Variants in SLCO1B1 observed in about 807,000 individuals in gnomAD.
SLCO1B1 encodes the protein solute carrier organic anion transporter family member 1B1.
SLCO1B1 carries 81 observed loss-of-function variants against 70.1 expected under a neutral mutation model. That is an observed-to-expected ratio of 1.16 (90% CI 0.97 to 1.39). The LOEUF (loss-of-function observed/expected upper bound fraction) is 1.39. Among genes scored for constraint, SLCO1B1 ranks in the 40% most tolerant of loss-of-function variants. SLCO1B1 has a pLI of 0.00. For synonymous variants in SLCO1B1, 283 were observed against 271.5 expected (o/e 1.04, Z -0.42); for missense variants, 895 against 799.6 (o/e 1.12, Z -1.44).
intron 3 of SLCO1B1, among the ~76,000 whole-genome samples, chr12:21,173,031 C>G (rs2121098523): frequency 6.6e-6 from 1 of 152,256 alleles, no homozygotes; most frequent in Middle Eastern, 3.4e-3. Context: ...AATGATGTAA[C>G]TGAAAATGTT....
chr12:21,157,821 C>T (rs113037749), intron 2 of SLCO1B1, among the ~76,000 whole-genome samples: 40 of 152,002 alleles, frequency 2.6e-4, no homozygotes, highest in African/African-American at 9.4e-4. Context: ...AGGATGGTCT[C>T]GATCTCCTGA....
intron 1 of SLCO1B1, among the ~76,000 whole-genome samples, chr12:21,139,916 C>G (rs1011726483): frequency 1.3e-5 from 2 of 151,404 alleles, no homozygotes; most frequent in Non-Finnish European, 3.0e-5. Context: ...AAGTGCTCTC[C>G]GGTGCACAAG....
At chr12:21,214,140 G>T (rs1400530674) in intron 11 of SLCO1B1, among the ~76,000 whole-genome samples, 1 of 152,162 alleles carries the variant, frequency 6.6e-6, no homozygotes, top group Non-Finnish European at 1.5e-5. Context: ...GAGGTGCTCT[G>T]CTTTCTATAG....
chr12:21,202,172 A>G (rs1411547908), intron 9 of SLCO1B1, among the ~76,000 whole-genome samples: 1 of 152,142 alleles, frequency 6.6e-6, no homozygotes, highest in Non-Finnish European at 1.5e-5. Flanking sequence ...GAACACATGG[A>G]CACAGGGAGG....
intron 2 of SLCO1B1, among the ~76,000 whole-genome samples, chr12:21,159,140 C>G (rs1940579879): frequency 6.6e-6 from 1 of 152,058 alleles, no homozygotes; most frequent in South Asian, 2.1e-4. Context: ...TAAATTAATT[C>G]TATAAAGTGT....
intron 1 of SLCO1B1, among the ~76,000 whole-genome samples, chr12:21,135,103 T>C (rs943155159): frequency 4.6e-5 from 7 of 152,202 alleles, no homozygotes; most frequent in African/African-American, 9.7e-5. Context: ...CCAGTAGTCA[T>C]TCAGTAGCAG....
At chr12:21,228,551 A>G (rs372352553) in intron 14 of SLCO1B1, among the ~76,000 whole-genome samples, 1 of 152,222 alleles carries the variant, frequency 6.6e-6, no homozygotes, top group South Asian at 2.1e-4. Context: ...TGAACTCAAG[A>G]TAAGAAAATT....
At chr12:21,145,695 C>G (rs538746057) in intron 2 of SLCO1B1, among the ~76,000 whole-genome samples, 1 of 151,914 alleles carries the variant, frequency 6.6e-6, no homozygotes, top group Non-Finnish European at 1.5e-5. Flanking sequence ...AGAATACATT[C>G]ACTCCAATAT....
chr12:21,135,290 C>T (rs188337974), intron 1 of SLCO1B1, among the ~76,000 whole-genome samples: 3 of 152,254 alleles, frequency 2.0e-5, no homozygotes, highest in Admixed American at 6.5e-5. Flanking sequence ...TGGTGTGGTG[C>T]TGAAAAGAAT....
At position 21,179,002 on chromosome 12, in the gene SLCO1B1, A is replaced by G. The variant is rs1007241293; in HGVS notation, c.709A>G (p.Ile237Val). The G allele has an allele frequency of 6.2e-7, 1 of 1,606,100 alleles. No individual in the cohort carries two copies. The highest frequency in any genetic ancestry group is 8.5e-7 in the Non-Finnish European group (1 of 1,173,064). The change falls in exon 7 of 15, where the codon ATT becomes GTT. Residue 237 changes from isoleucine to valine, a missense_variant. Transcript: ENST00000256958. ...TCTGTTTTCTAAAATGTACGTGGAT[A>G]TTGGATATGTAGATCTAAGTAAGTA... Reference protein sequence around the residue: ...GSLFSKMYVDIGYVDLSTIRI... With the variant: ...GSLFSKMYVDVGYVDLSTIRI...
intron 2 of SLCO1B1, among the ~76,000 whole-genome samples, chr12:21,144,146 G>A (rs901114165): frequency 2.0e-5 from 3 of 151,970 alleles, no homozygotes; most frequent in Non-Finnish European, 4.4e-5. Context: ...AGATACAGGG[G>A]AAGATTTAAA....
intron 14 of SLCO1B1, among the ~76,000 whole-genome samples, chr12:21,226,912 C>A (rs1043901881): frequency 2.0e-5 from 3 of 151,744 alleles, no homozygotes; most frequent in African/African-American, 7.3e-5. Context: ...AAGTATCTCC[C>A]AAAGAAAAAA....
At chr12:21,183,762 A>G (rs1017502308) in intron 7 of SLCO1B1, among the ~76,000 whole-genome samples, 27 of 152,206 alleles carry the variant, frequency 1.8e-4, no homozygotes, top group African/African-American at 6.0e-4. Flanking sequence ...TGGAATGACT[A>G]AAATGACAGA....
chr12:21,209,038 T>A (rs191758800), intron 11 of SLCO1B1, among the ~76,000 whole-genome samples: 4 of 150,432 alleles, frequency 2.7e-5, no homozygotes, highest in African/African-American at 9.7e-5. Context: ...GTATTTAGGG[T>A]TTTTTTTTAA....
At chr12:21,146,026 T>C (rs982971873) in intron 2 of SLCO1B1, among the ~76,000 whole-genome samples, 4 of 152,178 alleles carry the variant, frequency 2.6e-5, no homozygotes, top group African/African-American at 9.6e-5. Flanking sequence ...AGAATTGATA[T>C]AAATTAATTC....
At chr12:21,188,767 C>G (rs1940992046) in intron 7 of SLCO1B1, among the ~76,000 whole-genome samples, 1 of 152,122 alleles carries the variant, frequency 6.6e-6, no homozygotes, top group African/African-American at 2.4e-5. Flanking sequence ...ACTAACAACT[C>G]CCTGCTTCCC....
chr12:21,194,087 G>A (rs12367888), intron 7 of SLCO1B1, among the ~76,000 whole-genome samples: 24,036 of 151,810 alleles, frequency 0.16, 2,566 homozygotes, highest in Non-Finnish European at 0.23. Flanking sequence ...CACCGTGCCC[G>A]GCCAAGTCAT....
At chr12:21,134,126 G>A (rs1287810812) in intron 1 of SLCO1B1, among the ~76,000 whole-genome samples, 2 of 152,116 alleles carry the variant, frequency 1.3e-5, no homozygotes, top group African/African-American at 4.8e-5. Context: ...TTTATATGCT[G>A]GATTACATTT....
At chr12:21,156,645 G>T (rs1238737923) in intron 2 of SLCO1B1, among the ~76,000 whole-genome samples, 1 of 151,972 alleles carries the variant, frequency 6.6e-6, no homozygotes, top group Non-Finnish European at 1.5e-5. Flanking sequence ...TAAAGATAAA[G>T]CAAAACAATG....
Sources: allele counts gnomAD v4.1 joint callset (sites outside exome capture counted in the v4.1 genomes callset), GRCh38; gene constraint gnomAD v4.1.1; transcripts MANE v1.5; gene names NCBI Gene and HGNC (gene_info 2026-07-23, HGNC 2026-07-21).